SLIT2: variants seen among roughly 807,000 people sequenced by gnomAD.
SLIT2 encodes the protein slit guidance ligand 2.
In SLIT2, 41 loss-of-function variants were observed where a neutral mutation model predicts 185.7. That is an observed-to-expected ratio of 0.22 (90% CI 0.17 to 0.29). SLIT2 has a LOEUF of 0.29. Ranked by LOEUF, SLIT2 falls within the 10% of genes least tolerant of loss-of-function variation. SLIT2 has a pLI of 1.00. For synonymous variants in SLIT2, 693 were observed against 680.2 expected (o/e 1.02, Z -0.29); for missense variants, 1,571 against 1,909.0 (o/e 0.82, Z 3.30).
chr4:20,458,350 A>G (rs560081917), intron 4 of SLIT2, among the ~76,000 whole-genome samples: 110 of 152,284 alleles, frequency 7.2e-4, no homozygotes, highest in African/African-American at 2.6e-3. Flanking sequence ...ACTAGATGCA[A>G]ATAAACAAAT....
chr4:20,556,505 C>T (rs187782567), intron 26 of SLIT2, among the ~76,000 whole-genome samples: 41 of 152,026 alleles, frequency 2.7e-4, no homozygotes, highest in African/African-American at 8.7e-4. Flanking sequence ...CATATTTGTA[C>T]TCCACTCTTA....
intron 4 of SLIT2, among the ~76,000 whole-genome samples, chr4:20,405,453 G>A (rs184017998): frequency 6.6e-6 from 1 of 150,608 alleles, no homozygotes; most frequent in Admixed American, 6.6e-5. Context: ...CTAAGAAATA[G>A]GAGGACAGAA....
intron 29 of SLIT2, among the ~76,000 whole-genome samples, chr4:20,584,378 C>G (rs1002198059): frequency 2.0e-5 from 3 of 152,214 alleles, no homozygotes; most frequent in African/African-American, 7.2e-5. Context: ...GTATTATCAA[C>G]TCTGATGATC....
chr4:20,614,706 G>A (rs755819058), intron 34 of SLIT2, among the ~76,000 whole-genome samples: 12 of 151,864 alleles, frequency 7.9e-5, no homozygotes, highest in Non-Finnish European at 1.6e-4. Flanking sequence ...GAACCCAGGA[G>A]GCGGGGGTTG....
At chr4:20,319,867 C>A (rs959069412) in intron 4 of SLIT2, among the ~76,000 whole-genome samples, 15 of 151,632 alleles carry the variant, frequency 9.9e-5, no homozygotes, top group African/African-American at 3.6e-4. Flanking sequence ...CTGGGAGTAT[C>A]TTTGAATAGC....
At chr4:20,517,749 T>C (rs75972893) in intron 11 of SLIT2, among the ~76,000 whole-genome samples, 4,724 of 152,162 alleles carry the variant, frequency 0.031, 152 homozygotes, top group African/African-American at 0.075. Context: ...ATACCTTACC[T>C]CTCTCTGACA....
chr4:20,340,895 C>A (rs988369259), intron 4 of SLIT2, among the ~76,000 whole-genome samples: 1 of 152,162 alleles, frequency 6.6e-6, no homozygotes, highest in African/African-American at 2.4e-5. Context: ...GCCACCGTGC[C>A]CGGCCAATAA....
intron 4 of SLIT2, among the ~76,000 whole-genome samples, chr4:20,318,482 A>G (rs928350558): frequency 6.6e-6 from 1 of 152,202 alleles, no homozygotes; most frequent in African/African-American, 2.4e-5. Flanking sequence ...CTAGAAGAAA[A>G]TAATGATGAA....
intron 4 of SLIT2, among the ~76,000 whole-genome samples, chr4:20,458,959 A>G (rs1271385973): frequency 6.6e-6 from 1 of 152,176 alleles, no homozygotes; most frequent in African/African-American, 2.4e-5. Context: ...ACTTTTTCAC[A>G]CTTCCATCTG....
chr4:20,528,207 T>G lies in SLIT2; in HGVS notation c.1463-742T>G. The G allele has an allele frequency of 1.9e-6, 1 of 530,292 alleles. No individual in the cohort carries two copies. The highest frequency in any genetic ancestry group is 3.9e-6 in the Non-Finnish European group (1 of 257,896). 32.8% of individuals were successfully genotyped at this position (530,292 alleles called of 1,614,324 possible). ...TAAACAGTATTACGTTTCCAGAACG[T>G]CTGTAGCTTTTCTCCTCCTTCCCTC... On this transcript the variant is annotated intron_variant, in intron 15 of 36. Coordinates refer to ENST00000504154, the MANE Select transcript of SLIT2 (RefSeq NM_004787.4). This position sits in a 1 kb window ranked among gnomAD's most constrained non-coding sequence, Gnocchi z 4.2.
At chr4:20,433,812 G>A (rs1292499224) in intron 4 of SLIT2, among the ~76,000 whole-genome samples, 5 of 152,042 alleles carry the variant, frequency 3.3e-5, no homozygotes, top group South Asian at 2.1e-4. Context: ...ATACTATGGT[G>A]GATTTTAAGT....
chr4:20,524,522 C>T (rs1376089182), intron 14 of SLIT2, among the ~76,000 whole-genome samples: 1 of 152,040 alleles, frequency 6.6e-6, no homozygotes, highest in Non-Finnish European at 1.5e-5. Flanking sequence ...TTGAATTGAC[C>T]AGCCTCAAGT....
Position 20,572,933 on chromosome 4 carries a change from G to A in SLIT2, c.3088+3929G>A, listed in dbSNP as rs139647196. Among the ~76,000 whole-genome samples the A allele has an allele frequency of 5.4e-3, 822 of 152,160 alleles. 5 individuals are homozygous for A. The highest frequency in any genetic ancestry group is 0.019 in the African/African-American group (783 of 41,510). ...TGTACCCATTTTCTCTTTGTTTTCC[G>A]AATCTCTGACGCCCATGCACAAGCC... is the stretch of plus-strand genomic sequence containing the variant. On this transcript the variant is annotated intron_variant, in intron 29 of 36. Transcript: ENST00000504154.
At chr4:20,491,567 C>A (rs1717779527) in intron 8 of SLIT2, among the ~76,000 whole-genome samples, 194 bp from the exon 9 acceptor site, 1 of 152,156 alleles carries the variant, frequency 6.6e-6, no homozygotes, top group African/African-American at 2.4e-5. Flanking sequence ...TACTTCCTCT[C>A]ATTTGCTTTA....
intron 9 of SLIT2, among the ~76,000 whole-genome samples, chr4:20,499,471 T>C (rs1305193115): frequency 1.3e-5 from 2 of 152,144 alleles, no homozygotes; most frequent in Admixed American, 6.6e-5. Context: ...TATTTCAAAG[T>C]CATCTGACTT....
chr4:20,315,529 A>T (rs1158000632), intron 4 of SLIT2, among the ~76,000 whole-genome samples: 2 of 152,118 alleles, frequency 1.3e-5, no homozygotes, highest in Non-Finnish European at 2.9e-5. Context: ...TGTGTATCAA[A>T]TTGTAAATAT....
intron 4 of SLIT2, among the ~76,000 whole-genome samples, chr4:20,326,639 A>G (rs929334771): frequency 1.3e-4 from 20 of 151,688 alleles, no homozygotes; most frequent in African/African-American, 4.6e-4. Context: ...GACTTACTTA[A>G]TGAACTCTAA....
intron 4 of SLIT2, among the ~76,000 whole-genome samples, chr4:20,373,641 A>G (rs1404018957): frequency 6.6e-6 from 1 of 152,094 alleles, no homozygotes; most frequent in East Asian, 1.9e-4. Context: ...GCATTAATTT[A>G]CTCACTTGAT....
chr4:20,378,096 A>T (rs1724186062), intron 4 of SLIT2, among the ~76,000 whole-genome samples: 2 of 152,020 alleles, frequency 1.3e-5, no homozygotes, highest in African/African-American at 4.8e-5. Flanking sequence ...TATAATTTAC[A>T]AATAAATTAA....
Sources: gnomAD v4.1 joint callset for allele counts (sites outside exome capture counted in the v4.1 genomes callset) on GRCh38, gnomAD v4.1.1 for gene constraint, Gnocchi (gnomAD v3.1) non-coding constraint, MANE v1.5 for transcripts, NCBI Gene and HGNC (gene_info 2026-07-23, HGNC 2026-07-21) for gene names.